Variants in RBMS3 observed in about 807,000 individuals in gnomAD.
RBMS3 encodes the protein RNA binding motif single stranded interacting protein 3, also known as RNA-binding motif, single-stranded-interacting protein 3.
RBMS3 carries 27 observed loss-of-function variants against 66.8 expected under a neutral mutation model. The observed-to-expected ratio is 0.40, with a 90% CI of 0.30 to 0.56. RBMS3 has a LOEUF of 0.56. RBMS3 is among the 20% of genes least tolerant of loss of function. The pLI, the probability that RBMS3 is intolerant of heterozygous loss-of-function variation, is 0.40. For synonymous variants in RBMS3, 188 were observed against 183.0 expected (o/e 1.03, Z -0.22); for missense variants, 513 against 549.5 (o/e 0.93, Z 0.66).
intron 2 of RBMS3, among the ~76,000 whole-genome samples, chr3:29,469,962 A>G (rs1305860435): frequency 6.8e-6 from 1 of 147,928 alleles, no homozygotes; most frequent in Non-Finnish European, 1.5e-5. Flanking sequence ...TAAATAATTT[A>G]TATGAAATTA....
At chr3:29,414,062 C>A (rs1219883675) in intron 1 of RBMS3, among the ~76,000 whole-genome samples, 2 of 152,102 alleles carry the variant, frequency 1.3e-5, no homozygotes, top group Non-Finnish European at 1.5e-5. Flanking sequence ...TTTCTCCTTG[C>A]GCGGGAGTCT....
intron 3 of RBMS3, among the ~76,000 whole-genome samples, chr3:29,530,231 CA>C (rs1296595954): frequency 6.6e-6 from 1 of 152,178 alleles, no homozygotes; most frequent in African/African-American, 2.4e-5. Flanking sequence ...TTATAAAATT[CA>C]TATTTGTGCA....
At chr3:29,978,860 C>T (rs1054870593) in intron 12 of RBMS3, among the ~76,000 whole-genome samples, 8 of 151,920 alleles carry the variant, frequency 5.3e-5, no homozygotes, top group Admixed American at 3.3e-4. Flanking sequence ...GGGGGCTGGG[C>T]GTGGGGGCTC....
chr3:29,507,583 A>G (rs1408467040), intron 3 of RBMS3, among the ~76,000 whole-genome samples: 1 of 152,090 alleles, frequency 6.6e-6, no homozygotes, highest in Non-Finnish European at 1.5e-5. Flanking sequence ...TTTTTACTTG[A>G]TATGTGTAAT....
intron 2 of RBMS3, among the ~76,000 whole-genome samples, chr3:29,458,156 G>A (rs1164286065): frequency 6.6e-6 from 1 of 152,136 alleles, no homozygotes; most frequent in East Asian, 1.9e-4. Flanking sequence ...CAACCAGACT[G>A]TAAGTTTCTT....
intron 6 of RBMS3, among the ~76,000 whole-genome samples, chr3:29,793,746 T>C (rs2057090034): frequency 6.6e-6 from 1 of 152,246 alleles, no homozygotes; most frequent in Non-Finnish European, 1.5e-5. Context: ...GTTTCAGAGA[T>C]GTATGGTCAT....
intron 1 of RBMS3, among the ~76,000 whole-genome samples, chr3:29,284,257 A>C (rs1285212433): frequency 6.6e-6 from 1 of 152,140 alleles, no homozygotes; most frequent in Non-Finnish European, 1.5e-5. Context: ...AATAGAGTCT[A>C]CGGTAGGTAA....
intron 12 of RBMS3, among the ~76,000 whole-genome samples, chr3:29,962,967 C>A (rs1696583724): frequency 6.6e-6 from 1 of 151,526 alleles, no homozygotes; most frequent in Non-Finnish European, 1.5e-5. Context: ...TTACTTATCT[C>A]CTGTGCCCTT....
At chr3:29,677,304 T>C (rs1055349472) in intron 4 of RBMS3, among the ~76,000 whole-genome samples, 3 of 152,196 alleles carry the variant, frequency 2.0e-5, no homozygotes, top group Admixed American at 1.3e-4. Flanking sequence ...CCGATGATAG[T>C]GTTGCTAAAG....
At chr3:29,815,503 C>CT (rs1252318863) in intron 6 of RBMS3, among the ~76,000 whole-genome samples, 2 of 151,898 alleles carry the variant, frequency 1.3e-5, no homozygotes, top group Admixed American at 1.3e-4. Flanking sequence ...TCAGTTTGTT[C>CT]TTTTTTATAA....
chr3:29,863,286 G>A (rs1559748505), intron 6 of RBMS3, among the ~76,000 whole-genome samples: 2 of 151,058 alleles, frequency 1.3e-5, no homozygotes, highest in Non-Finnish European at 2.9e-5. Context: ...GTTAATGGGT[G>A]CAGCACACCA....
intron 10 of RBMS3, among the ~76,000 whole-genome samples, chr3:29,923,541 T>A (rs958231641): frequency 1.3e-5 from 2 of 152,186 alleles, no homozygotes; most frequent in African/African-American, 2.4e-5. Context: ...AGTCACCTGA[T>A]TTTGCTGACC....
chr3:29,330,930 T>C (rs2035616128), intron 1 of RBMS3, among the ~76,000 whole-genome samples: 1 of 152,184 alleles, frequency 6.6e-6, no homozygotes, highest in African/African-American at 2.4e-5. Context: ...TGCAGACATA[T>C]GAATTTCACA....
Position 29,311,316 on chromosome 3 carries a change from C to T in RBMS3, c.75+29560C>T, listed in dbSNP as rs139624445. ...ATTGAAATTGAGATCTCCGATCAGC[C>T]TAGGTTTGAAAAATCTAATAACGGT... is the stretch of plus-strand genomic sequence containing the variant. On this transcript the variant is annotated intron_variant, in intron 1 of 14. Coordinates refer to ENST00000383767, the MANE Select transcript of RBMS3 (RefSeq NM_001003793.3). Among the ~76,000 whole-genome samples the T allele has an allele frequency of 5.6e-3, 844 of 151,844 alleles. 11 individuals are homozygous for T. Among genetic ancestry groups the T allele is most frequent in the African/African-American group, 0.02 (814 of 41,464 alleles).
chr3:29,867,266 G>C (rs1370619781), intron 6 of RBMS3, among the ~76,000 whole-genome samples: 6 of 151,842 alleles, frequency 4.0e-5, no homozygotes, highest in African/African-American at 1.5e-4. Context: ...GGGAGAATGG[G>C]TGTTGGGGAA....
chr3:29,326,754 C>CA (rs2035360652), intron 1 of RBMS3, among the ~76,000 whole-genome samples: 1 of 145,552 alleles, frequency 6.9e-6, no homozygotes, highest in Admixed American at 6.9e-5. Flanking sequence ...TTTTTCGAGA[C>CA]AGAGTCTCGC....
chr3:29,486,708 G>A (rs1260231260), intron 2 of RBMS3, among the ~76,000 whole-genome samples: 1 of 152,088 alleles, frequency 6.6e-6, no homozygotes, highest in Admixed American at 6.6e-5. Context: ...AGGACAATAT[G>A]CATGCCATTG....
rs1225359877 is a variant in RBMS3, at chr3:29,675,218, G to A, written c.400-64502G>A. 3.9e-5 allele frequency among the ~76,000 whole-genome samples: 6 copies of A among 152,168 alleles called. 1 individual carries two copies. The South Asian group carries it at 1.0e-3, about 26-fold the overall frequency. ...TAAATAGCGCTGGGAAAACTGGCTAGCCATATGTAGAAAGCTGAAACTGGA... is the reference window on the plus strand; with the variant it reads ...TAAATAGCGCTGGGAAAACTGGCTAACCATATGTAGAAAGCTGAAACTGGA... On this transcript the variant is annotated intron_variant, in intron 4 of 14. Coordinates refer to ENST00000383767, the MANE Select transcript of RBMS3 (RefSeq NM_001003793.3).
intron 6 of RBMS3, among the ~76,000 whole-genome samples, chr3:29,818,121 C>T (rs552086311): frequency 2.6e-5 from 4 of 152,114 alleles, no homozygotes; most frequent in Admixed American, 1.3e-4. Flanking sequence ...GTGTTACATT[C>T]GACATTGTGT....
Sources: gnomAD v4.1 joint callset for allele counts (sites outside exome capture counted in the v4.1 genomes callset) on GRCh38, gnomAD v4.1.1 for gene constraint, MANE v1.5 for transcripts, NCBI Gene and HGNC (gene_info 2026-07-23, HGNC 2026-07-21) for gene names.